The following ADGRB3 variants were observed in gnomAD, a reference collection of about 807,000 sequenced individuals.
ADGRB3 encodes adhesion G protein-coupled receptor B3.
A neutral mutation model predicts 193.4 loss-of-function variants in ADGRB3; 37 were observed. That is an observed-to-expected ratio of 0.19 (90% CI 0.15 to 0.25). The LOEUF is 0.25. ADGRB3 is among the 10% of genes least tolerant of loss of function. The pLI, the probability that ADGRB3 is intolerant of heterozygous loss-of-function variation, is 1.00. For synonymous variants in ADGRB3, 690 were observed against 644.2 expected (o/e 1.07, Z -1.08); for missense variants, 1,637 against 1,852.9 (o/e 0.88, Z 2.14).
rs111724815 is a variant in ADGRB3, at chr6:68,744,538, C to T, written c.757+105106C>T. Among the ~76,000 whole-genome samples, 123 of 152,204 alleles carry T rather than the reference C, an allele frequency of 8.1e-4. 1 individual carries two copies. The highest frequency in any genetic ancestry group is 2.7e-3 in the African/African-American group (113 of 41,540). On this transcript the variant is annotated intron_variant, in intron 3 of 31. Transcript: ENST00000370598. ...TAAAGAAAATGTGGCACACATACAC[C>T]GTGGAATACTATGCAGCCATAAAAA...
chr6:68,999,700 C>T (rs936780126), intron 11 of ADGRB3, among the ~76,000 whole-genome samples: 1 of 152,120 alleles, frequency 6.6e-6, no homozygotes, highest in Admixed American at 6.5e-5. Flanking sequence ...CTTTTGAAAT[C>T]TTGTAAACAT....
At chr6:69,355,709 A>G in intron 27 of ADGRB3, 112 bp from the exon 28 acceptor site, 1 of 871,302 alleles carries the variant, frequency 1.1e-6, no homozygotes, top group Admixed American at 2.3e-5. Flanking sequence ...ACAAAACAAT[A>G]AACTTGTACT....
At chr6:69,244,681 T>C (rs1766456188) in intron 20 of ADGRB3, among the ~76,000 whole-genome samples, 1 of 152,052 alleles carries the variant, frequency 6.6e-6, no homozygotes, top group South Asian at 2.1e-4. Context: ...TAAGAGAAGG[T>C]ATTGTAAGCC....
At chr6:69,332,783 T>C in intron 23 of ADGRB3, 140 bp from the exon 24 acceptor site, 6 of 1,433,742 alleles carry the variant, frequency 4.2e-6, no homozygotes, top group Non-Finnish European at 5.5e-6. Context: ...CTCTGCTCAC[T>C]TATAAAATGT....
chr6:68,700,427 A>G (rs1490894786), intron 3 of ADGRB3, among the ~76,000 whole-genome samples: 1 of 152,144 alleles, frequency 6.6e-6, no homozygotes, highest in Admixed American at 6.6e-5. Flanking sequence ...GTTGGAATCA[A>G]TTTAGCATTA....
intron 3 of ADGRB3, among the ~76,000 whole-genome samples, chr6:68,867,828 G>A (rs950836029): frequency 3.3e-5 from 5 of 152,118 alleles, no homozygotes; most frequent in African/African-American, 1.2e-4. Context: ...ACTTGCAAGG[G>A]GCCTGTAGAC....
At chr6:68,705,276 T>A (rs1175302810) in intron 3 of ADGRB3, among the ~76,000 whole-genome samples, 1 of 152,236 alleles carries the variant, frequency 6.6e-6, no homozygotes, top group Non-Finnish European at 1.5e-5. Flanking sequence ...TCAAAGAGTG[T>A]AGGGACTGTG....
At chr6:69,194,711 T>G (rs997646023) in intron 17 of ADGRB3, among the ~76,000 whole-genome samples, 2 of 152,096 alleles carry the variant, frequency 1.3e-5, no homozygotes, top group Non-Finnish European at 2.9e-5. Context: ...AACAAACGTA[T>G]TATTATTAGA....
chr6:68,942,347 G>A (rs978852363), intron 5 of ADGRB3, among the ~76,000 whole-genome samples: 4 of 152,024 alleles, frequency 2.6e-5, no homozygotes, highest in African/African-American at 9.7e-5. Context: ...TGAACTTTTT[G>A]GGGAGTCATT....
intron 17 of ADGRB3, among the ~76,000 whole-genome samples, chr6:69,175,742 T>C (rs9454713): frequency 1.3e-4 from 20 of 152,222 alleles, no homozygotes; most frequent in African/African-American, 4.6e-4. Context: ...ATGGCCATTA[T>C]AGTGATATTG....
intron 3 of ADGRB3, among the ~76,000 whole-genome samples, chr6:68,905,747 G>T (rs899711726): frequency 6.6e-6 from 1 of 152,042 alleles, no homozygotes; most frequent in African/African-American, 2.4e-5. Flanking sequence ...AATTAGTTTT[G>T]CAAATTAGGT....
At position 68,686,785 on chromosome 6, in the gene ADGRB3, C is replaced by T. The variant is rs1764990123; in HGVS notation, c.757+47353C>T. On this transcript the variant is annotated intron_variant, in intron 3 of 31. Transcript: ENST00000370598. ...ATTTTGAACATCACATCATCTTCTCCTTTCTTAAAATAAGTCATTTGTTTG... is the reference window on the plus strand; with the variant it reads ...ATTTTGAACATCACATCATCTTCTCTTTTCTTAAAATAAGTCATTTGTTTG... Among the ~76,000 whole-genome samples, 3 of 152,096 alleles carry T rather than the reference C, an allele frequency of 2.0e-5. No homozygotes were observed. The South Asian group carries it at 6.2e-4, about 32-fold the overall frequency.
At chr6:68,679,369 G>C (rs558649695) in intron 3 of ADGRB3, among the ~76,000 whole-genome samples, 1 of 152,136 alleles carries the variant, frequency 6.6e-6, no homozygotes, top group East Asian at 1.9e-4. Flanking sequence ...AGGGACATAG[G>C]GTCTCTTGAA....
At chr6:68,797,802 A>G (rs1037932567) in intron 3 of ADGRB3, among the ~76,000 whole-genome samples, 1 of 151,818 alleles carries the variant, frequency 6.6e-6, no homozygotes, top group East Asian at 1.9e-4. Context: ...TCAGATTTTT[A>G]TTTTTCAAAA....
intron 17 of ADGRB3, among the ~76,000 whole-genome samples, chr6:69,146,891 T>C (rs1774516892): frequency 6.6e-6 from 1 of 151,044 alleles, no homozygotes; most frequent in South Asian, 2.1e-4. Flanking sequence ...TGGTAAATTG[T>C]ATATGTCTAG....
At chr6:68,961,056 C>T (rs983959455) in intron 8 of ADGRB3, among the ~76,000 whole-genome samples, 10 of 152,112 alleles carry the variant, frequency 6.6e-5, no homozygotes, top group South Asian at 2.1e-4. Flanking sequence ...TTTTCATAAA[C>T]GATGAGGGAT....
intron 26 of ADGRB3, among the ~76,000 whole-genome samples, chr6:69,351,204 C>T (rs918614124): frequency 1.3e-5 from 2 of 151,786 alleles, no homozygotes; most frequent in African/African-American, 4.8e-5. Context: ...AGCAATTCTC[C>T]TCCCTCAGCC....
At chr6:69,224,607 T>A (rs1462948171) in intron 17 of ADGRB3, among the ~76,000 whole-genome samples, 3 of 152,162 alleles carry the variant, frequency 2.0e-5, no homozygotes, top group Non-Finnish European at 2.9e-5. Context: ...AGAACAACCT[T>A]GGAAATCTTT....
At position 68,993,976 on chromosome 6, in the gene ADGRB3, G is replaced by C; in HGVS notation, c.1929+14G>C. The C allele has an allele frequency of 6.2e-7, 1 of 1,609,950 alleles. No homozygotes were observed. Among genetic ancestry groups the C allele is most frequent in the Non-Finnish European group, 8.5e-7 (1 of 1,177,042 alleles). The stretch of plus-strand genomic sequence containing the variant: ...GATGGTGTCCAGGTAAGGGAGACAA[G>C]TTCGTGAAGGAAAGGGCTAGTGAAG... On this transcript the variant is annotated intron_variant, in intron 11 of 31. Transcript: ENST00000370598.
Sources: gnomAD v4.1 joint callset for allele counts (sites outside exome capture counted in the v4.1 genomes callset) on GRCh38, gnomAD v4.1.1 for gene constraint, MANE v1.5 for transcripts, NCBI Gene and HGNC (gene_info 2026-07-23, HGNC 2026-07-21) for gene names.